PCDHGB1: variants seen among roughly 807,000 people sequenced by gnomAD.
PCDHGB1 encodes the protein protocadherin gamma-B1.
A neutral mutation model predicts 56.6 loss-of-function variants in PCDHGB1; 34 were observed. The observed-to-expected ratio is 0.60, with a 90% CI of 0.46 to 0.80. The LOEUF (loss-of-function observed/expected upper bound fraction) is 0.80. Ranked by LOEUF, PCDHGB1 falls within the 30% of genes least tolerant of loss-of-function variation. The pLI is 0.00. For synonymous variants in PCDHGB1, 561 were observed against 505.9 expected (o/e 1.11, Z -1.46); for missense variants, 1,278 against 1,204.6 (o/e 1.06, Z -0.90).
intron 1 of PCDHGB1, chr5:141,393,118 G>A: frequency 3.7e-6 from 6 of 1,613,472 alleles, no homozygotes; most frequent in Non-Finnish European, 5.1e-6. Flanking sequence ...AGCCCGCGGT[G>A]TCTGATAAAT....
chr5:141,361,171 G>A (rs750066776), intron 1 of PCDHGB1: 49 of 1,613,824 alleles, frequency 3.0e-5, no homozygotes, highest in South Asian at 1.1e-5. Context: ...TTGTGCACCT[G>A]AAGTTATTGT....
chr5:141,434,044 A>T (rs2097670450), intron 1 of PCDHGB1, among the ~76,000 whole-genome samples: 2 of 152,132 alleles, frequency 1.3e-5, no homozygotes, highest in South Asian at 4.1e-4. Flanking sequence ...TTTCTATTTT[A>T]TTCAATGGCC....
intron 1 of PCDHGB1, among the ~76,000 whole-genome samples, chr5:141,474,082 C>CA (rs1449032579): frequency 1.3e-5 from 2 of 152,064 alleles, no homozygotes; most frequent in African/African-American, 4.8e-5. Context: ...AAACAAAAAC[C>CA]AAAAAACAAA....
At chr5:141,478,719 T>C in intron 1 of PCDHGB1, 1 of 1,543,882 alleles carries the variant, frequency 6.5e-7, no homozygotes, top group South Asian at 1.2e-5. Context: ...GATGGTGGCC[T>C]GCCAGAGTGT....
chr5:141,493,330 A>G lies in PCDHGB1; in HGVS notation c.2410-1477A>G, dbSNP rs979607147. 6.6e-6 allele frequency among the ~76,000 whole-genome samples: 1 copy of G among 152,182 alleles called. No homozygotes were observed. Among genetic ancestry groups the G allele is most frequent in the Non-Finnish European group, 1.5e-5 (1 of 68,020 alleles). On this transcript the variant is annotated intron_variant, in intron 1 of 3. Coordinates refer to ENST00000523390, the MANE Select transcript of PCDHGB1 (RefSeq NM_018922.3). The surrounding 1 kb of genome is among the most constrained non-coding windows in gnomAD (Gnocchi z 4.3). ...GTAAGAGAGATTCTAACCCCTGTCT[A>G]ACTCCAGAATGTGTGCTTTTAATTT... is the stretch of plus-strand genomic sequence containing the variant.
chr5:141,504,241 A>G (rs1282647590), intron 2 of PCDHGB1, among the ~76,000 whole-genome samples: 1 of 152,156 alleles, frequency 6.6e-6, no homozygotes, highest in Non-Finnish European at 1.5e-5. Flanking sequence ...AGAAGCAGAG[A>G]GTTCTTCTTA....
chr5:141,502,750 A>G (rs974131144), intron 2 of PCDHGB1, among the ~76,000 whole-genome samples: 3 of 151,928 alleles, frequency 2.0e-5, no homozygotes, highest in Non-Finnish European at 4.4e-5. Context: ...TTCCTTCTAC[A>G]TGTATTTGCT....
chr5:141,476,238 G>C lies in PCDHGB1; in HGVS notation c.2410-18569G>C, dbSNP rs764976894. ...ATTCACTATGAGATCCCGGAGGAAA[G>C]AGAGAAGGGTTTCGCTGTGGGCAAC... On this transcript the variant is annotated intron_variant, in intron 1 of 3. Coordinates refer to ENST00000523390, the MANE Select transcript of PCDHGB1 (RefSeq NM_018922.3). The surrounding 1 kb of genome is among the most constrained non-coding windows in gnomAD (Gnocchi z 7.6). 1 of 1,614,098 alleles carries C rather than the reference G, an allele frequency of 6.2e-7. No individual in the cohort carries two copies.
chr5:141,380,968 A>T (rs1005346854), intron 1 of PCDHGB1, among the ~76,000 whole-genome samples: 1 of 152,270 alleles, frequency 6.6e-6, no homozygotes, highest in African/African-American at 2.4e-5. Flanking sequence ...AAGTACTATT[A>T]AACAAATAGA....
chr5:141,382,427 G>T (rs1422765851), intron 1 of PCDHGB1, among the ~76,000 whole-genome samples: 1 of 152,138 alleles, frequency 6.6e-6, no homozygotes, highest in African/African-American at 2.4e-5. Context: ...GTGCCCAAAA[G>T]AGTCACTTGA....
At chr5:141,385,876 G>A (rs1395840676) in intron 1 of PCDHGB1, 1 of 152,842 alleles carries the variant, frequency 6.5e-6, no homozygotes, top group Non-Finnish European at 1.5e-5. Flanking sequence ...TTGGATTTAT[G>A]CCTAAAGAAT....
At chr5:141,399,644 A>G (rs2093855347) in intron 1 of PCDHGB1, 2 of 1,613,810 alleles carry the variant, frequency 1.2e-6, no homozygotes, top group Non-Finnish European at 8.5e-7. Context: ...ATGAGCGCGC[A>G]AAGTGGGGTG....
Position 141,374,036 on chromosome 5 carries a change from T to A in PCDHGB1, c.2409+21367T>A, listed in dbSNP as rs1197277740. On this transcript the variant is annotated intron_variant, in intron 1 of 3. Coordinates refer to ENST00000523390, the MANE Select transcript of PCDHGB1 (RefSeq NM_018922.3). The stretch of plus-strand genomic sequence containing the variant: ...CTGAGAAGAGCAAAAGTGATGCAGA[T>A]CTGTTCTTCCTCTTCTTAATCCCAG... 3.5e-6 allele frequency: 5 copies of A among 1,445,796 alleles called. No individual in the cohort carries two copies. In the Admixed American group the frequency reaches 1.1e-4, roughly 32 times the overall value. 89.6% of individuals were successfully genotyped at this position (1,445,796 alleles called of 1,614,324 possible). A position where few individuals can be genotyped will look rare whatever the true frequency, so the allele number is the denominator to read the frequency against.
At position 141,491,101 on chromosome 5, in the gene PCDHGB1, G is replaced by A. The variant is rs1270788252; in HGVS notation, c.2410-3706G>A. Reference sequence around the variant, plus strand: ...GTCCACAGCCCCAGGACTGTTCCTCGTGTCTACACACACTGGTGAGGTGCG... The same window carrying A: ...GTCCACAGCCCCAGGACTGTTCCTCATGTCTACACACACTGGTGAGGTGCG... On this transcript the variant is annotated intron_variant, in intron 1 of 3. Transcript: ENST00000523390. This position sits in a 1 kb window ranked among gnomAD's most constrained non-coding sequence, Gnocchi z 6.9. The A allele has an allele frequency of 8.1e-6, 13 of 1,614,102 alleles. No individual in the cohort carries two copies. In the East Asian group the frequency reaches 1.6e-4, roughly 19 times the overall value.
chr5:141,355,134 T>A (rs892801062), intron 1 of PCDHGB1: 1 of 1,523,362 alleles, frequency 6.6e-7, no homozygotes, highest in Non-Finnish European at 8.8e-7. Flanking sequence ...ACCCAGAAGA[T>A]CCTGGGGCTC....
chr5:141,400,147 C>T lies in PCDHGB1; in HGVS notation c.2409+47478C>T, dbSNP rs751998425. ...GGAGGTGCTGCCGGATATCACTGAC[C>T]GCCCTGTACCCTCTGACCCCCAGGC... On this transcript the variant is annotated intron_variant, in intron 1 of 3. Coordinates refer to ENST00000523390, the MANE Select transcript of PCDHGB1 (RefSeq NM_018922.3). 3.7e-6 allele frequency: 6 copies of T among 1,614,074 alleles called. No homozygotes were observed. In the East Asian group the frequency reaches 1.1e-4, roughly 30 times the overall value.
At position 141,486,543 on chromosome 5, in the gene PCDHGB1, A is replaced by G; in HGVS notation, c.2410-8264A>G. Reference sequence around the variant, plus strand: ...AATGATAATCCACCCTCTTTCTTTCAGAGGTCACATGAGGTGTTTGTTCCT... The same window carrying G: ...AATGATAATCCACCCTCTTTCTTTCGGAGGTCACATGAGGTGTTTGTTCCT... On this transcript the variant is annotated intron_variant, in intron 1 of 3. Transcript: ENST00000523390. This position sits in a 1 kb window ranked among gnomAD's most constrained non-coding sequence, Gnocchi z 5.0. 6.2e-7 allele frequency: 1 copy of G among 1,614,080 alleles called. No individual in the cohort carries two copies. Among genetic ancestry groups the G allele is most frequent in the Non-Finnish European group, 8.5e-7 (1 of 1,180,020 alleles).
intron 1 of PCDHGB1, chr5:141,479,660 A>G (rs1206947602): frequency 6.6e-6 from 1 of 152,266 alleles, no homozygotes; most frequent in African/African-American, 2.4e-5. Flanking sequence ...ACAATCCCAG[A>G]AACTACAAAA....
intron 3 of PCDHGB1, among the ~76,000 whole-genome samples, chr5:141,510,511 T>C (rs2099881465): frequency 6.6e-6 from 1 of 152,142 alleles, no homozygotes; most frequent in Non-Finnish European, 1.5e-5. Context: ...TGAGAGCCCG[T>C]GTCACAGCCC....
Sources: allele counts gnomAD v4.1 joint callset (sites outside exome capture counted in the v4.1 genomes callset), GRCh38; gene constraint gnomAD v4.1.1; non-coding constraint Gnocchi (gnomAD v3.1); transcripts MANE v1.5; gene names NCBI Gene and HGNC (gene_info 2026-07-23, HGNC 2026-07-21).